Variants in MAPKAPK5 observed in about 807,000 individuals in gnomAD.
MAPKAPK5 encodes MAPK activated protein kinase 5, also known as MAP kinase-activated protein kinase 5.
MAPKAPK5 carries 30 observed loss-of-function variants against 65.1 expected under a neutral mutation model. The observed-to-expected ratio is 0.46, with a 90% CI of 0.34 to 0.63. The LOEUF (loss-of-function observed/expected upper bound fraction) is 0.63, where lower values mean the gene tolerates loss of function less well. Ranked by LOEUF, MAPKAPK5 falls within the 20% of genes least tolerant of loss-of-function variation. The pLI, the probability that MAPKAPK5 is intolerant of heterozygous loss-of-function variation, is 0.01. For synonymous variants in MAPKAPK5, 179 were observed against 204.6 expected (o/e 0.87, Z 1.07); for missense variants, 433 against 581.4 (o/e 0.74, Z 2.63).
rs1377000480 is a variant in MAPKAPK5 at position 111,867,596 on chromosome 12, A to G, written c.211A>G (p.Thr71Ala). The change falls in exon 4 of 14, where the codon ACA becomes GCA. Residue 71 changes from threonine (T) to alanine (A), a missense_variant. Coordinates refer to ENST00000550735, the MANE Select transcript of MAPKAPK5 (RefSeq NM_003668.4). ...NEVRLHMMCA[T>A]HPNIVQIIEV... ...GGTACGTCTGCACATGATGTGTGCC[A>G]CACACCCAAACATAGTTCAGATTAT... 6.2e-7 allele frequency: 1 copy of G among 1,613,958 alleles called. No homozygotes were observed.
Position 111,900,994 on chromosome 12 carries a change from C to G in MAPKAPK5, c.*7933C>G. ...TGTGGCATTTCTACCAGTCCTGGGT[C>G]ACAATATGTTCGGTGTTCAGATGGT... On this transcript the variant is annotated 3_prime_UTR_variant, in exon 14 of 14. Transcript: ENST00000550735. 1 of 456,048 alleles carries G rather than the reference C, an allele frequency of 2.2e-6. No homozygotes were observed. The highest frequency in any genetic ancestry group is 1.5e-5 in the South Asian group (1 of 64,562). The allele number at this position is 456,048 out of a possible 1,614,324, so 28.3% of individuals were successfully genotyped here. A position where few individuals can be genotyped will look rare whatever the true frequency, so the allele number is the denominator to read the frequency against.
In MAPKAPK5 at chr12:111,888,908, A is replaced by G. The variant is rs1264685541; in HGVS notation, c.1124A>G (p.Tyr375Cys). The change falls in exon 12 of 14, where the codon TAT becomes TGT. Residue 375 changes from tyrosine (Y) to cysteine (C), a missense_variant. This residue lies in a region of MAPKAPK5 where 169 missense variants were observed against 215.6 expected (regional missense o/e 0.78). Coordinates refer to ENST00000550735, the MANE Select transcript of MAPKAPK5 (RefSeq NM_003668.4). ...AGCACCAAGCCAAAGGACAGTGTCTATATCCACGACCATGAGAATGGAGCC... is the reference window on the plus strand; with the variant it reads ...AGCACCAAGCCAAAGGACAGTGTCTGTATCCACGACCATGAGAATGGAGCC... ...LLGTKPKDSVYIHDHENGAED... is the reference protein window; with the variant it reads ...LLGTKPKDSVCIHDHENGAED... 2 of 1,613,836 alleles carry G rather than the reference A, an allele frequency of 1.2e-6. No homozygotes were observed. Among genetic ancestry groups the G allele is most frequent in the Non-Finnish European group, 1.7e-6 (2 of 1,179,862 alleles).
rs1453701698 is a variant in MAPKAPK5, at chr12:111,894,805, G to A, written c.*1744G>A. 6.9e-6 allele frequency: 1 copy of A among 145,874 alleles called. No individual in the cohort carries two copies. Among genetic ancestry groups the A allele is most frequent in the Non-Finnish European group, 1.5e-5 (1 of 67,700 alleles). 9.0% of individuals were successfully genotyped at this position (145,874 alleles called of 1,614,324 possible). A position where few individuals can be genotyped will look rare whatever the true frequency, so the allele number is the denominator to read the frequency against. On this transcript the variant is annotated 3_prime_UTR_variant, in exon 14 of 14. Coordinates refer to ENST00000550735, the MANE Select transcript of MAPKAPK5 (RefSeq NM_003668.4). Reference sequence around the variant, plus strand: ...GTGTGTGTGTGTGAAGCAGTTTTTGGTGGGTACTTACGTTGGTACATAGAA... The same window carrying A: ...GTGTGTGTGTGTGAAGCAGTTTTTGATGGGTACTTACGTTGGTACATAGAA...
intron 1 of MAPKAPK5, among the ~76,000 whole-genome samples, chr12:111,852,284 T>C (rs2069109278): frequency 6.6e-6 from 1 of 152,160 alleles, no homozygotes; most frequent in African/African-American, 2.4e-5. Context: ...CTCTCCTGCC[T>C]TCCTTTCCAT....
chr12:111,883,183 C>T lies in MAPKAPK5; in HGVS notation c.661-398C>T, dbSNP rs1189518771. Among the ~76,000 whole-genome samples the T allele has an allele frequency of 6.6e-6, 1 of 151,934 alleles. No homozygotes were observed. Among genetic ancestry groups the T allele is most frequent in the Non-Finnish European group, 1.5e-5 (1 of 67,982 alleles). On this transcript the variant is annotated intron_variant, in intron 8 of 13. Coordinates refer to ENST00000550735, the MANE Select transcript of MAPKAPK5 (RefSeq NM_003668.4). The surrounding 1 kb of genome is among the most constrained non-coding windows in gnomAD (Gnocchi z 4.8). ...GTCAGGAGTTCGAGACCAACCTGAC[C>T]AACATGGTGAAAGCCTATCTCTACT... is the stretch of plus-strand genomic sequence containing the variant.
Position 111,900,563 on chromosome 12 carries a change from G to A in MAPKAPK5, c.*7502G>A, listed in dbSNP as rs554422478. On this transcript the variant is annotated 3_prime_UTR_variant, in exon 14 of 14. Transcript: ENST00000550735. ...CACGGCCCAGGGGCCGCAAGCGTAG[G>A]GATTCTGCCTGTGGAAATGGTGTGG... is the stretch of plus-strand genomic sequence containing the variant. The A allele has an allele frequency of 2.9e-5, 13 of 456,122 alleles. No individual in the cohort carries two copies. Among genetic ancestry groups the A allele is most frequent in the African/African-American group, 2.2e-4 (11 of 50,198 alleles). 28.3% of individuals were successfully genotyped at this position (456,122 alleles called of 1,614,324 possible).
chr12:111,863,530 C>T (rs367866261), intron 1 of MAPKAPK5, among the ~76,000 whole-genome samples: 4 of 151,838 alleles, frequency 2.6e-5, no homozygotes, highest in Non-Finnish European at 4.4e-5. Context: ...TGTATACTAG[C>T]GAGCGGGATT....
At chr12:111,877,828 A>AC (rs1231737918) in intron 7 of MAPKAPK5, among the ~76,000 whole-genome samples, 5 of 151,510 alleles carry the variant, frequency 3.3e-5, no homozygotes, top group Admixed American at 6.6e-5. Flanking sequence ...CCATAGGCAT[A>AC]CGCCACCACA....
At chr12:111,857,269 C>T (rs1435218488) in intron 1 of MAPKAPK5, among the ~76,000 whole-genome samples, 2 of 150,156 alleles carry the variant, frequency 1.3e-5, no homozygotes, top group African/African-American at 2.4e-5. Flanking sequence ...GAGATGGAGC[C>T]TCGCTCCCGT....
intron 1 of MAPKAPK5, among the ~76,000 whole-genome samples, chr12:111,853,950 T>G (rs570576134): frequency 6.6e-6 from 1 of 152,214 alleles, no homozygotes; most frequent in Non-Finnish European, 1.5e-5. Context: ...TATGGTAATA[T>G]TACGTTATTT....
intron 7 of MAPKAPK5, among the ~76,000 whole-genome samples, chr12:111,878,408 A>ATTATTTATTTAT (rs200069361): frequency 3.3e-5 from 5 of 150,270 alleles, no homozygotes; most frequent in African/African-American, 9.7e-5. Context: ...CTATTTATTT[A>ATTATTTATTTAT]TTATTTATTT....
At chr12:111,880,622 C>T (rs897867070) in intron 8 of MAPKAPK5, 95 bp downstream of exon 8, 2 of 1,035,142 alleles carry the variant, frequency 1.9e-6, no homozygotes, top group African/African-American at 3.2e-5. Context: ...CAATTCCTTT[C>T]TCACCCCTTA....
rs563086841 is a variant in MAPKAPK5 at position 111,901,123 on chromosome 12, G to A, written c.*8062G>A. 3.3e-5 allele frequency: 15 copies of A among 455,970 alleles called. No individual in the cohort carries two copies. The highest frequency in any genetic ancestry group is 2.3e-4 in the South Asian group (15 of 64,552). The allele number at this position is 455,970 out of a possible 1,614,324, so 28.2% of individuals were successfully genotyped here. A position where few individuals can be genotyped will look rare whatever the true frequency, so the allele number is the denominator to read the frequency against. On this transcript the variant is annotated 3_prime_UTR_variant, in exon 14 of 14. Coordinates refer to ENST00000550735, the MANE Select transcript of MAPKAPK5 (RefSeq NM_003668.4). ...GTCCCTCAGGGAGATGGCTCATGTT[G>A]GAGCATGGATGCCTATATGAGTACT...
At chr12:111,859,654 T>TTTCTTTTC (rs71819856) in intron 1 of MAPKAPK5, among the ~76,000 whole-genome samples, 33 of 95,978 alleles carry the variant, frequency 3.4e-4, no homozygotes, top group Admixed American at 1.8e-3. Flanking sequence ...TTGCTTTTCT[T>TTTCTTTTC]TTTTTTTTTT....
chr12:111,860,722 C>G (rs1272357574), intron 1 of MAPKAPK5, among the ~76,000 whole-genome samples: 1 of 152,168 alleles, frequency 6.6e-6, no homozygotes, highest in Non-Finnish European at 1.5e-5. Context: ...AGCAGATTTT[C>G]AAGAATCTGT....
chr12:111,857,899 G>A (rs549471883), intron 1 of MAPKAPK5, among the ~76,000 whole-genome samples: 41 of 151,256 alleles, frequency 2.7e-4, no homozygotes, highest in Non-Finnish European at 5.5e-4. Context: ...TTGTGTGTGT[G>A]TGTTTGTGTG....
chr12:111,874,824 G>T (rs2069908504), intron 7 of MAPKAPK5, among the ~76,000 whole-genome samples: 1 of 147,378 alleles, frequency 6.8e-6, no homozygotes, highest in Non-Finnish European at 1.5e-5. Flanking sequence ...GCCCAGGCTG[G>T]AGTGCAGTGG....
intron 2 of MAPKAPK5, 100 bp from the exon 3 acceptor site, chr12:111,866,056 A>T: frequency 1.0e-6 from 1 of 953,134 alleles, no homozygotes; most frequent in African/African-American, 1.7e-5. Flanking sequence ...ACCTGGCCAT[A>T]TCCTTGATGA....
intron 1 of MAPKAPK5, among the ~76,000 whole-genome samples, chr12:111,861,476 C>T (rs577446746): frequency 5.3e-5 from 8 of 151,968 alleles, no homozygotes; most frequent in South Asian, 2.1e-4. Flanking sequence ...TTACAGGCGC[C>T]GCCACCACAC....
Sources: gnomAD v4.1 joint callset for allele counts (sites outside exome capture counted in the v4.1 genomes callset) on GRCh38, gnomAD v4.1.1 for gene constraint, gnomAD v4.1.1 regional missense constraint, Gnocchi (gnomAD v3.1) non-coding constraint, MANE v1.5 for transcripts, NCBI Gene and HGNC (gene_info 2026-07-23, HGNC 2026-07-21) for gene names.